The following BCO2 variants were observed in gnomAD, a reference collection of about 807,000 sequenced individuals.
The protein encoded by BCO2 is carotenoid-cleaving dioxygenase, mitochondrial.
Under a neutral mutation model 65.8 loss-of-function variants are expected in BCO2, and 56 were observed. The observed-to-expected ratio is 0.85, with a 90% CI of 0.69 to 1.06. BCO2 has a LOEUF of 1.06. BCO2 is among the 50% of genes least tolerant of loss of function. The pLI is 0.00. For missense variants in BCO2, 675 were observed against 698.5 expected (o/e 0.97, Z 0.38); for synonymous variants, 233 against 242.3 (o/e 0.96, Z 0.36).
intron 5 of BCO2, among the ~76,000 whole-genome samples, chr11:112,196,870 C>T (rs1867591870): frequency 6.6e-6 from 1 of 151,572 alleles, no homozygotes; most frequent in Non-Finnish European, 1.5e-5. Flanking sequence ...CCTCCTCCTC[C>T]TCCTTCTCTC....
At chr11:112,179,787 A>G (rs868574097) in intron 2 of BCO2, 55 of 375,764 alleles carry the variant, frequency 1.5e-4, no homozygotes, top group African/African-American at 1.1e-3. Flanking sequence ...AGGAAGGGCA[A>G]TGTCTCCTCA....
intron 2 of BCO2, among the ~76,000 whole-genome samples, chr11:112,192,350 C>T (rs1360018934): frequency 6.6e-6 from 1 of 152,094 alleles, no homozygotes; most frequent in African/African-American, 2.4e-5. Context: ...TTCAGCTGAA[C>T]CCAATAATTA....
At chr11:112,179,654 G>A (rs1382832111) in intron 2 of BCO2, 172 bp downstream of exon 2, 2 of 655,872 alleles carry the variant, frequency 3.0e-6, no homozygotes, top group South Asian at 2.0e-5. Flanking sequence ...TAAACAAAAT[G>A]TCCTGCTTTT....
chr11:112,217,696 TGGA>T lies in BCO2; in HGVS notation c.1627-60_1627-58del, dbSNP rs1161155187. 3.4e-5 allele frequency: 39 copies of T among 1,133,192 alleles called. No homozygotes were observed. In the Admixed American group the frequency reaches 7.5e-4, roughly 22 times the overall value. 70.2% of individuals were successfully genotyped at this position (1,133,192 alleles called of 1,614,324 possible). On this transcript the variant is annotated intron_variant, in intron 11 of 11. Coordinates refer to ENST00000357685, the MANE Select transcript of BCO2 (RefSeq NM_031938.7). Reference sequence around the variant, plus strand: ...CTCCATTAGGAATTTTACAGCTTAGTGGAGGAGACAGGCAAATTTTTGATGAAA... The same window carrying T: ...CTCCATTAGGAATTTTACAGCTTAGTGGAGACAGGCAAATTTTTGATGAAA...
In BCO2 at chr11:112,194,742, C is replaced by T; in HGVS notation, c.723C>T (p.Ser241=). The T allele has an allele frequency of 6.2e-7, 1 of 1,600,876 alleles. No homozygotes were observed. The highest frequency in any genetic ancestry group is 8.6e-7 in the Non-Finnish European group (1 of 1,169,496). Residue 241 remains serine, a synonymous_variant, in exon 5 of 12, where the codon TCC becomes TCT. Transcript: ENST00000357685. The part of the protein sequence containing the change: ...LDGTAYNMGN[S]FGPYGFSYKV... Reference sequence around the variant, plus strand: ...GAACAGCATACAATATGGGGAACTCCTTTGGGCCATATGGTAAAGTTGCAA... The same window carrying T: ...GAACAGCATACAATATGGGGAACTCTTTTGGGCCATATGGTAAAGTTGCAA...
At chr11:112,192,677 C>CTTT (rs71463410) in intron 2 of BCO2, among the ~76,000 whole-genome samples, 1 of 124,790 alleles carries the variant, frequency 8.0e-6, no homozygotes, top group Non-Finnish European at 1.7e-5. Flanking sequence ...TTCTTTCTTT[C>CTTT]TTTTTTTTTT....
chr11:112,185,342 A>G (rs1346915063), intron 2 of BCO2, among the ~76,000 whole-genome samples: 4 of 152,236 alleles, frequency 2.6e-5, no homozygotes, highest in East Asian at 1.9e-4. Context: ...TGAAAAACCA[A>G]TAACTCTTCA....
intron 1 of BCO2, among the ~76,000 whole-genome samples, chr11:112,177,104 C>T (rs528058604): frequency 6.6e-6 from 1 of 152,222 alleles, no homozygotes; most frequent in South Asian, 2.1e-4. Flanking sequence ...CCAATCAGGC[C>T]ATTCAATTTA....
At chr11:112,190,113 C>T (rs1017706737) in intron 2 of BCO2, among the ~76,000 whole-genome samples, 3 of 151,920 alleles carry the variant, frequency 2.0e-5, no homozygotes, top group African/African-American at 7.3e-5. Flanking sequence ...TAGTGAGACT[C>T]CATCTTTACA....
In BCO2 at chr11:112,179,381, T is replaced by C. The variant is rs747943565; in HGVS notation, c.192T>C (p.Ala64=). Residue 64 remains alanine (A), a synonymous_variant, in exon 2 of 12, where the codon GCT becomes GCC. Transcript: ENST00000357685. ...CGCTGCTGACCACAGTGGAAGAGGC[T>C]CCACGGGGCATCTCTGCTCGAGTCT... ...VAPLLTTVEE[A]PRGISARVWG... 24 of 1,614,180 alleles carry C rather than the reference T, an allele frequency of 1.5e-5. No individual in the cohort carries two copies. In the South Asian group the frequency reaches 2.2e-4, roughly 15 times the overall value.
chr11:112,209,177 G>A (rs939581088), intron 8 of BCO2, among the ~76,000 whole-genome samples: 2 of 152,140 alleles, frequency 1.3e-5, no homozygotes, highest in Non-Finnish European at 2.9e-5. Flanking sequence ...AATGCATAAT[G>A]TCATGTATCT....
chr11:112,177,637 A>G (rs1866920115), intron 1 of BCO2, among the ~76,000 whole-genome samples: 1 of 152,230 alleles, frequency 6.6e-6, no homozygotes, highest in African/African-American at 2.4e-5. Context: ...ATTCTGTTCT[A>G]AAAGCTTTAC....
At chr11:112,195,527 C>T (rs948080236) in intron 5 of BCO2, among the ~76,000 whole-genome samples, 2 of 152,112 alleles carry the variant, frequency 1.3e-5, no homozygotes, top group Non-Finnish European at 2.9e-5. Context: ...ACTGCAACCT[C>T]CACCTCCCAG....
chr11:112,202,290 T>TCTCTC, intron 8 of BCO2, 100 bp downstream of exon 8: 1 of 1,145,996 alleles, frequency 8.7e-7, no homozygotes, highest in Non-Finnish European at 1.2e-6. Context: ...TCTCTCTCTC[T>TCTCTC]TTTTTCTTTT....
rs547741029 is a variant in BCO2 at position 112,180,769 on chromosome 11, C to A, written c.293+1287C>A. On this transcript the variant is annotated intron_variant, in intron 2 of 11. Transcript: ENST00000357685. The stretch of plus-strand genomic sequence containing the variant: ...CCCACTCAGGACCCAGTGGGGGCAG[C>A]GTGATGAGGCGGATGACCCTGTTCC... 4.0e-5 allele frequency: 38 copies of A among 947,132 alleles called. No individual in the cohort carries two copies. In the African/African-American group the frequency reaches 5.5e-4, roughly 14 times the overall value. 58.7% of individuals were successfully genotyped at this position (947,132 alleles called of 1,614,324 possible). A position where few individuals can be genotyped will look rare whatever the true frequency, so the allele number is the denominator to read the frequency against.
At chr11:112,199,039 A>G (rs1362999253) in intron 5 of BCO2, among the ~76,000 whole-genome samples, 5 of 152,150 alleles carry the variant, frequency 3.3e-5, no homozygotes, top group Middle Eastern at 3.4e-3. Context: ...TACACATGCC[A>G]TGGTGGTTTG....
intron 2 of BCO2, among the ~76,000 whole-genome samples, chr11:112,189,002 G>C (rs1435091200): frequency 6.6e-6 from 1 of 152,048 alleles, no homozygotes; most frequent in Admixed American, 6.5e-5. Flanking sequence ...TACTACCAAA[G>C]TAGACAAACC....
At chr11:112,200,850 A>T in intron 7 of BCO2, 77 bp downstream of exon 7, 1 of 1,494,812 alleles carries the variant, frequency 6.7e-7, no homozygotes, top group Non-Finnish European at 9.2e-7. Flanking sequence ...ATTTTTTAAA[A>T]ATCTTCCCTG....
chr11:112,175,764 C>A (rs1380467636), intron 1 of BCO2, 75 bp downstream of exon 1: 54 of 1,318,794 alleles, frequency 4.1e-5, no homozygotes, highest in Non-Finnish European at 5.7e-5. Context: ...GTGCCTCTTT[C>A]CTGAAGGTTG....
Sources: allele counts gnomAD v4.1 joint callset (sites outside exome capture counted in the v4.1 genomes callset), GRCh38; gene constraint gnomAD v4.1.1; transcripts MANE v1.5; gene names NCBI Gene and HGNC (gene_info 2026-07-23, HGNC 2026-07-21).